Variants in NUMB observed in about 807,000 individuals in gnomAD.
NUMB encodes the protein protein numb homolog.
In NUMB, 29 loss-of-function variants were observed where a neutral mutation model predicts 59.7. The observed-to-expected ratio is 0.49, with a 90% CI of 0.36 to 0.66. NUMB has a LOEUF of 0.66. Among genes scored for constraint, NUMB ranks in the 30% least tolerant of loss-of-function variants. NUMB has a pLI of 0.00. For missense variants in NUMB, 723 were observed against 822.0 expected (o/e 0.88, Z 1.47); for synonymous variants, 288 against 288.2 (o/e 1.00, Z 0.01).
chr14:73,378,559 T>A (rs1459937631), intron 2 of NUMB, among the ~76,000 whole-genome samples: 1 of 152,184 alleles, frequency 6.6e-6, no homozygotes, highest in Non-Finnish European at 1.5e-5. Flanking sequence ...AAGTGGAATA[T>A]TATTCAGTGC....
At chr14:73,314,547 C>T (rs1890977788) in intron 6 of NUMB, among the ~76,000 whole-genome samples, 1 of 152,088 alleles carries the variant, frequency 6.6e-6, no homozygotes, top group African/African-American at 2.4e-5. Context: ...AATACTGTGA[C>T]CTCAGGATTG....
At chr14:73,277,882 A>AC (rs766123171) in intron 12 of NUMB, among the ~76,000 whole-genome samples, 30 of 152,076 alleles carry the variant, frequency 2.0e-4, no homozygotes, top group Non-Finnish European at 3.8e-4. Flanking sequence ...ACATGGTGAA[A>AC]CCCCGTCTCT....
At chr14:73,319,184 AC>A (rs1891259332) in intron 5 of NUMB, among the ~76,000 whole-genome samples, 2 of 152,084 alleles carry the variant, frequency 1.3e-5, no homozygotes, top group Admixed American at 1.3e-4. Flanking sequence ...AATCGCGTGA[AC>A]CCGGGAGGCG....
chr14:73,278,045 CAAAAAAAAAAAA>C (rs57146032), intron 12 of NUMB, among the ~76,000 whole-genome samples: 2 of 69,214 alleles, frequency 2.9e-5, no homozygotes, highest in South Asian at 7.6e-4. Context: ...GACTCCGTCT[CAAAAAAAAAAAA>C]AAAAAAAAAA....
chr14:73,417,832 A>G (rs10142359), intron 1 of NUMB, among the ~76,000 whole-genome samples: 98,014 of 152,122 alleles, frequency 0.64, 33,954 homozygotes, highest in African/African-American at 0.88. Flanking sequence ...CTAGGCCGGG[A>G]GCCATGGCTC....
chr14:73,389,272 C>CAAAAAAAAAAAAAAAAAAAAAAAAAAAA (rs869074049), intron 2 of NUMB, among the ~76,000 whole-genome samples: 2 of 66,484 alleles, frequency 3.0e-5, no homozygotes, highest in African/African-American at 1.2e-4. Context: ...CTCCATCTCT[C>CAAAAAAAAAAAAAAAAAAAAAAAAAAAA]AAAAAAAAAA....
intron 4 of NUMB, among the ~76,000 whole-genome samples, chr14:73,336,686 C>T (rs2139964880): frequency 6.6e-6 from 1 of 152,242 alleles, no homozygotes; most frequent in African/African-American, 2.4e-5. Context: ...ATAATCCAGC[C>T]TCAATTCTGT....
At chr14:73,437,806 A>G (rs981307133) in intron 1 of NUMB, among the ~76,000 whole-genome samples, 2 of 152,220 alleles carry the variant, frequency 1.3e-5, no homozygotes, top group Non-Finnish European at 2.9e-5. Context: ...GATCATTTGT[A>G]CAGATTAAGT....
intron 1 of NUMB, among the ~76,000 whole-genome samples, chr14:73,449,006 G>A (rs538586244): frequency 6.6e-6 from 1 of 151,068 alleles, no homozygotes; most frequent in South Asian, 2.1e-4. Context: ...AAAAAAAAAT[G>A]GATGGTTGTA....
At chr14:73,316,601 A>T (rs184862343) in intron 5 of NUMB, among the ~76,000 whole-genome samples, 179 bp from the exon 6 acceptor site, 1 of 152,358 alleles carries the variant, frequency 6.6e-6, no homozygotes, top group East Asian at 1.9e-4. Flanking sequence ...GGTGCATGAA[A>T]ATGCAGGGAA....
chr14:73,356,625 G>A (rs1202856934), intron 3 of NUMB, among the ~76,000 whole-genome samples: 5 of 152,122 alleles, frequency 3.3e-5, no homozygotes, highest in Admixed American at 3.3e-4. Context: ...GAGTGAGACT[G>A]TGTCTCAAAA....
chr14:73,370,653 C>T (rs1894623510), intron 2 of NUMB, among the ~76,000 whole-genome samples: 1 of 151,776 alleles, frequency 6.6e-6, no homozygotes, highest in African/African-American at 2.4e-5. Flanking sequence ...GATTGTGCCA[C>T]TGCACTCCGG....
intron 8 of NUMB, 127 bp from the exon 9 acceptor site, chr14:73,287,441 C>A: frequency 2.5e-6 from 2 of 792,534 alleles, no homozygotes; most frequent in East Asian, 5.4e-5. Context: ...TGCAGTGGCG[C>A]AGTCTCTGCT....
chr14:73,427,131 G>A (rs1437137899), intron 1 of NUMB, among the ~76,000 whole-genome samples: 2 of 152,188 alleles, frequency 1.3e-5, no homozygotes, highest in Admixed American at 6.5e-5. Context: ...TCTGCCTGGA[G>A]CTATTGCTTA....
chr14:73,287,863 T>C (rs981726970), intron 8 of NUMB, among the ~76,000 whole-genome samples: 26 of 152,192 alleles, frequency 1.7e-4, no homozygotes, highest in Non-Finnish European at 3.7e-4. Context: ...TAAGCAGCCA[T>C]GGAGAACTCT....
chr14:73,389,294 C>CAAAAAAAAAAAAAAAAAAAAAAAAA (rs202010932), intron 2 of NUMB, among the ~76,000 whole-genome samples: 1 of 77,254 alleles, frequency 1.3e-5, no homozygotes, highest in African/African-American at 5.2e-5. Context: ...AAAAAAAAAA[C>CAAAAAAAAAAAAAAAAAAAAAAAAA]AAAAACAAAA....
chr14:73,292,862 C>A lies in NUMB; in HGVS notation c.322G>T (p.Asp108Tyr). Reference protein sequence around the residue: ...VDEKTKDLIVDQTIEKVSFCA... With the variant: ...VDEKTKDLIVYQTIEKVSFCA... ...AAAGAAACTTTCTCTATCGTCTGGT[C>A]AACTATGAGGTCCTAGAAAATACGA... Residue 108 changes from aspartate (D) to tyrosine (Y), a missense_variant, in exon 8 of 13, where the codon GAC (aspartate) becomes TAC (tyrosine). Physicochemically the swap from Asp to Tyr is radical, Grantham distance 160. Transcript: ENST00000555238. The A allele has an allele frequency of 1.2e-6, 2 of 1,614,140 alleles. No individual in the cohort carries two copies. The highest frequency in any genetic ancestry group is 2.2e-5 in the South Asian group (2 of 91,052).
At chr14:73,367,774 C>A (rs1031265581) in intron 2 of NUMB, among the ~76,000 whole-genome samples, 1,039 of 111,394 alleles carry the variant, frequency 9.3e-3, no homozygotes, top group Non-Finnish European at 0.011. Flanking sequence ...GACCCTGTTT[C>A]AAAAAAAAAA....
intron 1 of NUMB, among the ~76,000 whole-genome samples, chr14:73,447,088 G>A (rs1040579648): frequency 5.3e-5 from 8 of 151,520 alleles, no homozygotes; most frequent in Non-Finnish European, 7.4e-5. Flanking sequence ...CGGGGAGGCC[G>A]AGGCAAGGGA....
Sources: allele counts gnomAD v4.1 joint callset (sites outside exome capture counted in the v4.1 genomes callset), GRCh38; gene constraint gnomAD v4.1.1; transcripts MANE v1.5; gene names NCBI Gene and HGNC (gene_info 2026-07-23, HGNC 2026-07-21).